CDC42SE2: variants seen among roughly 807,000 people sequenced by gnomAD.
CDC42SE2 encodes the protein CDC42 small effector 2, also known as CDC42 small effector protein 2.
Under a neutral mutation model 11.5 loss-of-function variants are expected in CDC42SE2, and 3 were observed. The observed-to-expected ratio is 0.26, with a 90% CI of 0.12 to 0.67. The LOEUF (loss-of-function observed/expected upper bound fraction) is 0.67. Ranked by LOEUF, CDC42SE2 falls within the 30% of genes least tolerant of loss-of-function variation. The pLI is 0.80. For synonymous variants in CDC42SE2, 33 were observed against 34.8 expected (o/e 0.95, Z 0.18); for missense variants, 82 against 106.8 (o/e 0.77, Z 1.02).
intron 1 of CDC42SE2, among the ~76,000 whole-genome samples, chr5:131,264,676 G>C (rs1232887820): frequency 6.6e-6 from 1 of 152,200 alleles, no homozygotes; most frequent in East Asian, 1.9e-4. Context: ...GGTTCGCCCC[G>C]GGCCCCGGGC....
the CDC42SE2 span, among the ~76,000 whole-genome samples, chr5:131,222,895 C>T: frequency 6.6e-6 from 1 of 152,224 alleles, no homozygotes; most frequent in South Asian, 2.1e-4. Context: ...TTGCTTCTGA[C>T]TCTGCTCCTG....
chr5:131,368,957 A>G (rs1749938358), intron 3 of CDC42SE2, among the ~76,000 whole-genome samples: 1 of 152,238 alleles, frequency 6.6e-6, no homozygotes, highest in Non-Finnish European at 1.5e-5. Flanking sequence ...CAAATATATT[A>G]TGAAGCACAT....
At chr5:131,317,889 T>G (rs1397424544) in intron 2 of CDC42SE2, among the ~76,000 whole-genome samples, 1 of 151,926 alleles carries the variant, frequency 6.6e-6, no homozygotes, top group Non-Finnish European at 1.5e-5. Context: ...TGATCGATTC[T>G]GATGAAAATC....
At chr5:131,210,055 G>T in the CDC42SE2 span, among the ~76,000 whole-genome samples, 1 of 152,146 alleles carries the variant, frequency 6.6e-6, no homozygotes, top group Non-Finnish European at 1.5e-5. Flanking sequence ...CATCTCTGTT[G>T]CTCCTGCTCT....
intron 1 of CDC42SE2, among the ~76,000 whole-genome samples, chr5:131,306,716 C>T (rs1013760028): frequency 3.5e-4 from 53 of 152,116 alleles, no homozygotes; most frequent in Non-Finnish European, 6.3e-4. Context: ...AGATTCCAAT[C>T]CCTGAACATG....
At chr5:131,294,370 A>G (rs1014867122) in intron 1 of CDC42SE2, among the ~76,000 whole-genome samples, 3 of 152,312 alleles carry the variant, frequency 2.0e-5, no homozygotes, top group Non-Finnish European at 4.4e-5. Flanking sequence ...GCCTTGAAGG[A>G]AAGGTATGTT....
At chr5:131,354,257 A>G (rs1377078521) in intron 2 of CDC42SE2, among the ~76,000 whole-genome samples, 1 of 152,028 alleles carries the variant, frequency 6.6e-6, no homozygotes, top group East Asian at 1.9e-4. Context: ...AAAATAAAAT[A>G]AAATTGCATA....
chr5:131,233,829 A>G, the CDC42SE2 span, among the ~76,000 whole-genome samples: 1 of 152,188 alleles, frequency 6.6e-6, no homozygotes, highest in Non-Finnish European at 1.5e-5. Context: ...ATTCTGCCTC[A>G]TTAAAACTTC....
intron 1 of CDC42SE2, among the ~76,000 whole-genome samples, chr5:131,306,747 G>A (rs906928398): frequency 6.6e-6 from 1 of 152,056 alleles, no homozygotes; most frequent in African/African-American, 2.4e-5. Context: ...ATATTTATTT[G>A]TATTGTCTAC....
the CDC42SE2 span, among the ~76,000 whole-genome samples, chr5:131,214,457 G>A: frequency 2.0e-5 from 3 of 152,146 alleles, no homozygotes; most frequent in South Asian, 4.1e-4. Flanking sequence ...TTTGAGGGAT[G>A]TTAGGCTTCC....
At chr5:131,382,970 T>G (rs941272687) in intron 3 of CDC42SE2, among the ~76,000 whole-genome samples, 7 of 152,224 alleles carry the variant, frequency 4.6e-5, no homozygotes, top group Admixed American at 3.9e-4. Context: ...TTCCCTACTT[T>G]ATTCCTAAAA....
intron 1 of CDC42SE2, among the ~76,000 whole-genome samples, chr5:131,250,370 C>T (rs1448757939): frequency 6.6e-6 from 1 of 152,154 alleles, no homozygotes; most frequent in Non-Finnish European, 1.5e-5. Context: ...AGAATAGGTT[C>T]TACACTATTA....
At chr5:131,226,664 T>G in the CDC42SE2 span, among the ~76,000 whole-genome samples, 2 of 152,158 alleles carry the variant, frequency 1.3e-5, no homozygotes, top group African/African-American at 4.8e-5. Context: ...GGCTTATGAA[T>G]GAAGATCAGG....
chr5:131,210,818 C>T, the CDC42SE2 span, among the ~76,000 whole-genome samples: 1 of 152,184 alleles, frequency 6.6e-6, no homozygotes, highest in African/African-American at 2.4e-5. Context: ...TTTTCAAATA[C>T]TACCTCACAA....
At chr5:131,254,033 T>A (rs1044933310) in intron 1 of CDC42SE2, among the ~76,000 whole-genome samples, 2 of 152,170 alleles carry the variant, frequency 1.3e-5, no homozygotes, top group Admixed American at 1.3e-4. Flanking sequence ...ACACCACAGA[T>A]TTTTTCTTCT....
chr5:131,330,014 A>G (rs1758387221), intron 2 of CDC42SE2, among the ~76,000 whole-genome samples: 1 of 151,216 alleles, frequency 6.6e-6, no homozygotes, highest in African/African-American at 2.4e-5. Flanking sequence ...TCTCTCAATC[A>G]TGAAGGTCAG....
At chr5:131,247,389 C>A (rs1044794666) in intron 1 of CDC42SE2, among the ~76,000 whole-genome samples, 1 of 151,934 alleles carries the variant, frequency 6.6e-6, no homozygotes, top group Non-Finnish European at 1.5e-5. Context: ...GAGGCCGAGG[C>A]GAGTGGATCA....
rs1462645006 is a variant in CDC42SE2 at position 131,393,183 on chromosome 5, A to AAACTT, written c.*2093_*2097dup. On this transcript the variant is annotated 3_prime_UTR_variant, in exon 5 of 5. Coordinates refer to ENST00000505065, the MANE Select transcript of CDC42SE2 (RefSeq NM_001375635.1). ...CATATAACAAATGGGGCTTAATTAA[A>AAACTT]AACTTTAACTTGGAATAAAGGAACA... 6.6e-6 allele frequency: 1 copy of AAACTT among 152,338 alleles called. No individual in the cohort carries two copies. Among genetic ancestry groups the AAACTT allele is most frequent in the Non-Finnish European group, 1.5e-5 (1 of 68,042 alleles). 9.4% of individuals were successfully genotyped at this position (152,338 alleles called of 1,614,324 possible). A position where few individuals can be genotyped will look rare whatever the true frequency, so the allele number is the denominator to read the frequency against.
chr5:131,377,793 A>G (rs1006643631), intron 3 of CDC42SE2, among the ~76,000 whole-genome samples: 3 of 152,266 alleles, frequency 2.0e-5, no homozygotes, highest in South Asian at 4.1e-4. Context: ...AAATCAGCAG[A>G]TAAGTATTTT....
Sources: gnomAD v4.1 joint callset for allele counts (sites outside exome capture counted in the v4.1 genomes callset) on GRCh38, gnomAD v4.1.1 for gene constraint, MANE v1.5 for transcripts, NCBI Gene and HGNC (gene_info 2026-07-23, HGNC 2026-07-21) for gene names.